Variants in NUDCD3 observed in about 807,000 individuals in gnomAD.
NUDCD3 encodes nudC domain-containing protein 3.
In NUDCD3, 13 loss-of-function variants were observed where a neutral mutation model predicts 39.7. The ratio of observed to expected loss-of-function variants is 0.33; its 90% confidence interval spans 0.21 to 0.52. NUDCD3 has a LOEUF of 0.52. Among genes scored for constraint, NUDCD3 ranks in the 20% least tolerant of loss-of-function variants. The pLI is 0.96. For synonymous variants in NUDCD3, 175 were observed against 172.4 expected (o/e 1.02, Z -0.12); for missense variants, 453 against 458.1 (o/e 0.99, Z 0.10).
chr7:44,382,601 C>T lies in NUDCD3; in HGVS notation c.*3410G>A, dbSNP rs1585044001. Reference sequence around the variant, plus strand: ...AGACGGTAGAGAGGAGCCTCAGGGACATAGCCCAGTTCTTCAGGACCGTGG... The same window carrying T: ...AGACGGTAGAGAGGAGCCTCAGGGATATAGCCCAGTTCTTCAGGACCGTGG... On this transcript the variant is annotated 3_prime_UTR_variant, in exon 6 of 6. Coordinates refer to ENST00000355451, the MANE Select transcript of NUDCD3 (RefSeq NM_015332.4). 1.3e-5 allele frequency: 2 copies of T among 152,470 alleles called. 1 individual carries two copies. Among genetic ancestry groups the T allele is most frequent in the South Asian group, 4.1e-4 (2 of 4,828 alleles). 9.4% of individuals were successfully genotyped at this position (152,470 alleles called of 1,614,324 possible).
intron 4 of NUDCD3, 54 bp downstream of exon 4, chr7:44,404,386 C>T: frequency 6.4e-7 from 1 of 1,569,462 alleles, no homozygotes. Context: ...AAAGGGGCAT[C>T]ACTGCAGGTT....
rs754933826 is a variant in NUDCD3 at position 44,392,396 on chromosome 7, G to A, written c.876C>T (p.Arg292=). The A allele has an allele frequency of 8.1e-6, 13 of 1,614,038 alleles. No individual in the cohort carries two copies. The highest frequency in any genetic ancestry group is 1.3e-5 in the African/African-American group (1 of 74,924). The change falls in exon 5 of 6, where the codon CGC becomes CGT. Residue 292 remains arginine, a synonymous_variant. Coordinates refer to ENST00000355451, the MANE Select transcript of NUDCD3 (RefSeq NM_015332.4). Reference sequence around the variant, plus strand: ...CCTCCTCATCCACGGTGGCCATGGAGCGCTCCTTGTTGATCTTGTCAATGT... The same window carrying A: ...CCTCCTCATCCACGGTGGCCATGGAACGCTCCTTGTTGATCTTGTCAATGT... ...PIDIDKINKE[R]SMATVDEEEQ...
chr7:44,394,155 C>A (rs992664184), intron 4 of NUDCD3, among the ~76,000 whole-genome samples: 1 of 152,188 alleles, frequency 6.6e-6, no homozygotes, highest in Non-Finnish European at 1.5e-5. Context: ...AAGACAAAAA[C>A]CTGCAATCAT....
intron 2 of NUDCD3, among the ~76,000 whole-genome samples, chr7:44,462,696 C>T (rs1417180054): frequency 6.6e-6 from 1 of 152,230 alleles, no homozygotes; most frequent in Non-Finnish European, 1.5e-5. Context: ...CCTGCATTAC[C>T]TTCACACATC....
intron 4 of NUDCD3, among the ~76,000 whole-genome samples, chr7:44,399,129 T>G (rs1317118843): frequency 2.0e-5 from 3 of 152,114 alleles, no homozygotes; most frequent in Non-Finnish European, 1.5e-5. Flanking sequence ...TCCAACCCCA[T>G]GAAACGAGGG....
chr7:44,441,835 G>A (rs1002949376), intron 2 of NUDCD3, among the ~76,000 whole-genome samples: 1 of 152,134 alleles, frequency 6.6e-6, no homozygotes, highest in Non-Finnish European at 1.5e-5. Flanking sequence ...CCTGGGAGGA[G>A]CTGGACATTC....
intron 3 of NUDCD3, among the ~76,000 whole-genome samples, chr7:44,417,558 C>A (rs912819116): frequency 6.6e-6 from 1 of 152,192 alleles, no homozygotes; most frequent in Admixed American, 6.5e-5. Context: ...AGATAAAGGA[C>A]CAGGAAACTG....
chr7:44,406,108 G>A (rs1199985728), intron 3 of NUDCD3, among the ~76,000 whole-genome samples: 5 of 152,168 alleles, frequency 3.3e-5, no homozygotes, highest in African/African-American at 9.7e-5. Context: ...CCATCAGATA[G>A]TTACTAAATG....
chr7:44,466,338 G>C (rs182504915), intron 2 of NUDCD3, among the ~76,000 whole-genome samples: 3 of 152,240 alleles, frequency 2.0e-5, no homozygotes, highest in Admixed American at 1.3e-4. Flanking sequence ...ACACTTCTGG[G>C]GCCACCATGC....
At chr7:44,449,235 G>A (rs1563180550) in intron 2 of NUDCD3, among the ~76,000 whole-genome samples, 2 of 152,198 alleles carry the variant, frequency 1.3e-5, no homozygotes, top group Non-Finnish European at 2.9e-5. Context: ...ACTAATCGTT[G>A]GGGAGGAAGA....
rs150787224 is a variant in NUDCD3, at chr7:44,463,213, A to G, written c.509+21755T>C. On this transcript the variant is annotated intron_variant, in intron 2 of 5. Transcript: ENST00000355451. ...TATCAAGGGACAATGTGGTTAGGGTATAACAATGGAATGACCTCCTGCCCC... is the reference window on the plus strand; with the variant it reads ...TATCAAGGGACAATGTGGTTAGGGTGTAACAATGGAATGACCTCCTGCCCC... Among the ~76,000 whole-genome samples the G allele has an allele frequency of 3.0e-3, 456 of 152,288 alleles. 1 individual carries two copies. The highest frequency in any genetic ancestry group is 0.014 in the Middle Eastern group (4 of 294).
At chr7:44,486,911 G>C (rs1280635246) in intron 1 of NUDCD3, among the ~76,000 whole-genome samples, 1 of 152,154 alleles carries the variant, frequency 6.6e-6, no homozygotes, top group Non-Finnish European at 1.5e-5. Flanking sequence ...TAGAGTCACA[G>C]AACATAGGGC....
intron 5 of NUDCD3, among the ~76,000 whole-genome samples, chr7:44,390,374 AAAAAT>A (rs1343903667): frequency 3.3e-5 from 5 of 152,284 alleles, no homozygotes; most frequent in South Asian, 2.1e-4. Context: ...AAAAAATTTA[AAAAAT>A]AAAATAAAAT....
chr7:44,483,863 C>G (rs1160417732), intron 2 of NUDCD3, among the ~76,000 whole-genome samples: 1 of 152,136 alleles, frequency 6.6e-6, no homozygotes, highest in Non-Finnish European at 1.5e-5. Context: ...ACAAAATTAA[C>G]CAGATGTGGT....
intron 3 of NUDCD3, among the ~76,000 whole-genome samples, chr7:44,412,934 AAAAAAAAAG>A (rs1412509839): frequency 1.6e-4 from 23 of 147,482 alleles, no homozygotes; most frequent in African/African-American, 5.1e-4. Context: ...CTCAAAAAAA[AAAAAAAAAG>A]AAAAAAAAAA....
At chr7:44,395,332 G>A (rs1367085229) in intron 4 of NUDCD3, among the ~76,000 whole-genome samples, 1 of 152,256 alleles carries the variant, frequency 6.6e-6, no homozygotes, top group Non-Finnish European at 1.5e-5. Flanking sequence ...CGTCACGCAT[G>A]TGCATCAGTG....
intron 2 of NUDCD3, among the ~76,000 whole-genome samples, chr7:44,438,448 T>G (rs1419725706): frequency 6.6e-6 from 1 of 152,108 alleles, no homozygotes; most frequent in South Asian, 2.1e-4. Context: ...TAGAGAAAAC[T>G]TGGAAGCTTT....
intron 2 of NUDCD3, among the ~76,000 whole-genome samples, chr7:44,433,262 A>ATG (rs141636094): frequency 0.081 from 12,260 of 151,804 alleles, 590 homozygotes; most frequent in Non-Finnish European, 0.11. Context: ...CTAGGCCAAC[A>ATG]TGTGTGTGTG....
At chr7:44,397,889 G>T (rs1798652202) in intron 4 of NUDCD3, among the ~76,000 whole-genome samples, 1 of 152,086 alleles carries the variant, frequency 6.6e-6, no homozygotes, top group African/African-American at 2.4e-5. Context: ...CATCTTGGGG[G>T]TCCTGTCCTC....
Sources: allele counts gnomAD v4.1 joint callset (sites outside exome capture counted in the v4.1 genomes callset), GRCh38; gene constraint gnomAD v4.1.1; transcripts MANE v1.5; gene names NCBI Gene and HGNC (gene_info 2026-07-23, HGNC 2026-07-21).